Variants in CNTNAP2 observed in about 807,000 individuals in gnomAD.
The protein encoded by CNTNAP2 is contactin-associated protein-like 2.
In CNTNAP2, 98 loss-of-function variants were observed where a neutral mutation model predicts 155.2. The ratio of observed to expected loss-of-function variants is 0.63; its 90% CI spans 0.54 to 0.75. The LOEUF (loss-of-function observed/expected upper bound fraction) is 0.75, where lower values mean the gene tolerates loss of function less well. Ranked by LOEUF, CNTNAP2 falls within the 30% of genes least tolerant of loss-of-function variation. The pLI, the probability that CNTNAP2 is intolerant of heterozygous loss-of-function variation, is 0.00. For missense variants in CNTNAP2, 1,727 were observed against 1,688.1 expected (o/e 1.02, Z -0.40); for synonymous variants, 651 against 631.2 (o/e 1.03, Z -0.47).
At chr7:146,790,998 G>T (rs1447223296) in intron 2 of CNTNAP2, among the ~76,000 whole-genome samples, 1 of 151,644 alleles carries the variant, frequency 6.6e-6, no homozygotes, top group Non-Finnish European at 1.5e-5. Context: ...GTATACATGT[G>T]CCACGGTGGT....
At chr7:147,165,422 T>C (rs1414828192) in intron 8 of CNTNAP2, among the ~76,000 whole-genome samples, 1 of 152,196 alleles carries the variant, frequency 6.6e-6, no homozygotes, top group Non-Finnish European at 1.5e-5. Flanking sequence ...GATGTATAGA[T>C]TGTGAAGATT....
At chr7:148,265,540 G>T (rs1796653128) in intron 20 of CNTNAP2, among the ~76,000 whole-genome samples, 1 of 152,212 alleles carries the variant, frequency 6.6e-6, no homozygotes, top group South Asian at 2.1e-4. Flanking sequence ...CTCCCAAAAT[G>T]CTGGGATTAC....
chr7:147,211,076 T>C (rs1803135693), intron 8 of CNTNAP2, among the ~76,000 whole-genome samples: 1 of 151,418 alleles, frequency 6.6e-6, no homozygotes, highest in African/African-American at 2.4e-5. Flanking sequence ...AGTCTTGGAG[T>C]AGGTTTTATG....
chr7:148,301,616 G>A (rs1176354590), intron 21 of CNTNAP2, among the ~76,000 whole-genome samples: 2 of 152,188 alleles, frequency 1.3e-5, no homozygotes, highest in Non-Finnish European at 2.9e-5. Context: ...AAAGGAATAT[G>A]TATTCCCTTG....
At chr7:146,381,962 C>G (rs907476155) in intron 1 of CNTNAP2, among the ~76,000 whole-genome samples, 1 of 152,060 alleles carries the variant, frequency 6.6e-6, no homozygotes, top group African/African-American at 2.4e-5. Context: ...AGGTTTGCCC[C>G]CATATGATAA....
intron 1 of CNTNAP2, among the ~76,000 whole-genome samples, chr7:146,348,547 A>G (rs532653547): frequency 4.6e-5 from 7 of 152,318 alleles, no homozygotes; most frequent in Non-Finnish European, 8.8e-5. Flanking sequence ...TTAATTTACA[A>G]TTAATTTATT....
At position 147,244,276 on chromosome 7, in the gene CNTNAP2, C is replaced by A. The variant is rs1496544; in HGVS notation, c.1349-55865C>A. Among the ~76,000 whole-genome samples, 407 of 152,170 alleles carry A rather than the reference C, an allele frequency of 2.7e-3. 1 individual carries two copies. The highest frequency in any genetic ancestry group is 9.2e-3 in the African/African-American group (381 of 41,530). On this transcript the variant is annotated intron_variant, in intron 8 of 23. Transcript: ENST00000361727. ...AAGAAAAGCCACTTCTGAACATCTC[C>A]GCTTTATCAGCTCCCGTTGGGAGAT...
intron 8 of CNTNAP2, among the ~76,000 whole-genome samples, chr7:147,172,928 C>T (rs977080576): frequency 2.6e-5 from 4 of 151,810 alleles, no homozygotes; most frequent in Non-Finnish European, 5.9e-5. Flanking sequence ...CACAAAATAT[C>T]GTAATATAAC....
intron 3 of CNTNAP2, among the ~76,000 whole-genome samples, chr7:146,991,180 G>A (rs1435664643): frequency 6.6e-6 from 1 of 152,072 alleles, no homozygotes; most frequent in Admixed American, 6.6e-5. Context: ...AAAAATAATG[G>A]CAGTTGAAAT....
intron 1 of CNTNAP2, among the ~76,000 whole-genome samples, chr7:146,335,440 G>A (rs906094796): frequency 6.6e-6 from 1 of 152,162 alleles, no homozygotes; most frequent in African/African-American, 2.4e-5. Flanking sequence ...CACTTGCAGA[G>A]TAGTTGACCT....
chr7:147,269,537 C>T (rs371421192), intron 8 of CNTNAP2, among the ~76,000 whole-genome samples: 2 of 152,122 alleles, frequency 1.3e-5, no homozygotes, highest in African/African-American at 4.8e-5. Flanking sequence ...CACAATATGC[C>T]GAGCACATAT....
At chr7:148,134,964 A>G (rs561397201) in intron 16 of CNTNAP2, among the ~76,000 whole-genome samples, 1 of 152,136 alleles carries the variant, frequency 6.6e-6, no homozygotes, top group African/African-American at 2.4e-5. Context: ...TAGGGTACAT[A>G]CTGTTTTGTA....
chr7:146,449,991 A>G (rs1796455349), intron 1 of CNTNAP2, among the ~76,000 whole-genome samples: 2 of 152,166 alleles, frequency 1.3e-5, no homozygotes, highest in South Asian at 2.1e-4. Context: ...TCTATACAGA[A>G]CACAATTTTA....
intron 9 of CNTNAP2, among the ~76,000 whole-genome samples, chr7:147,391,736 T>C (rs900926209): frequency 2.6e-5 from 4 of 152,094 alleles, no homozygotes; most frequent in African/African-American, 9.7e-5. Context: ...AGTGTCTCCC[T>C]GAGGAATACC....
rs763236472 is a variant in CNTNAP2 at position 147,422,308 on chromosome 7, T to A, written c.1670+26528T>A. 7.6e-4 allele frequency among the ~76,000 whole-genome samples: 115 copies of A among 150,828 alleles called. No individual in the cohort carries two copies. In the Middle Eastern group the frequency reaches 0.011, roughly 14 times the overall value. On this transcript the variant is annotated intron_variant, in intron 10 of 23. Coordinates refer to ENST00000361727, the MANE Select transcript of CNTNAP2 (RefSeq NM_014141.6). ...CACTGAGCATATATTCATCCACACA[T>A]CCAGTCCTCTCAGCCATGGCTCTAC...
rs371061051 is a variant in CNTNAP2 at position 147,034,772 on chromosome 7, C to T, written c.403-9135C>T. Among the ~76,000 whole-genome samples, 33 of 152,200 alleles carry T rather than the reference C, an allele frequency of 2.2e-4. 1 individual carries two copies. In the East Asian group the frequency reaches 3.7e-3, roughly 17 times the overall value. On this transcript the variant is annotated intron_variant, in intron 3 of 23. Coordinates refer to ENST00000361727, the MANE Select transcript of CNTNAP2 (RefSeq NM_014141.6). ...ACCCAGCTGCCAGACTCTCCTCCAG[C>T]GTCCCTTGGCTGAATCCGGTGTGCT...
At chr7:147,528,481 C>T (rs1799367560) in intron 11 of CNTNAP2, among the ~76,000 whole-genome samples, 1 of 152,164 alleles carries the variant, frequency 6.6e-6, no homozygotes, top group South Asian at 2.1e-4. Context: ...CCTCAGTGTG[C>T]TAGCTTTCCC....
chr7:147,369,756 G>A (rs36041259), intron 9 of CNTNAP2, among the ~76,000 whole-genome samples: 23,608 of 152,104 alleles, frequency 0.16, 2,096 homozygotes, highest in East Asian at 0.35. Flanking sequence ...ATGCCTGATT[G>A]AGGCCCTCCT....
At chr7:148,227,191 G>A (rs1414783211) in intron 19 of CNTNAP2, among the ~76,000 whole-genome samples, 3 of 151,984 alleles carry the variant, frequency 2.0e-5, no homozygotes, top group Non-Finnish European at 2.9e-5. Context: ...TTCCCGGGAG[G>A]TGAATGAATT....
Sources: allele counts gnomAD v4.1 joint callset (sites outside exome capture counted in the v4.1 genomes callset), GRCh38; gene constraint gnomAD v4.1.1; transcripts MANE v1.5; gene names NCBI Gene and HGNC (gene_info 2026-07-23, HGNC 2026-07-21).